LRRC37A2: variants seen among roughly 807,000 people sequenced by gnomAD.
LRRC37A2 encodes the protein leucine rich repeat containing 37 member A2.
In LRRC37A2, 9 loss-of-function variants were observed where a neutral mutation model predicts 68.8. The observed-to-expected ratio is 0.13, with a 90% CI of 0.08 to 0.23. The LOEUF is 0.23. LRRC37A2 is among the 10% of genes least tolerant of loss of function. The probability of loss-of-function intolerance (pLI) is 1.00; values close to 1 mark genes in which losing one functional copy is unlikely to be tolerated. For missense variants in LRRC37A2, 168 were observed against 950.4 expected (o/e 0.18, Z 10.82); for synonymous variants, 63 against 367.6 (o/e 0.17, Z 9.48).
At chr17:46,945,211 C>CT in the LRRC37A2 span, among the ~76,000 whole-genome samples, 1 of 152,170 alleles carries the variant, frequency 6.6e-6, no homozygotes, top group East Asian at 1.9e-4. Flanking sequence ...GCTGTGGGCT[C>CT]TGAGGCCTGA....
the LRRC37A2 span, among the ~76,000 whole-genome samples, chr17:46,957,950 A>T: frequency 1.3e-5 from 2 of 152,198 alleles, no homozygotes; most frequent in African/African-American, 4.8e-5. Context: ...AGTGAGAGGG[A>T]GTCGGAGATC....
chr17:47,000,086 TAA>T, the LRRC37A2 span, among the ~76,000 whole-genome samples: 1 of 11,546 alleles, frequency 8.7e-5, no homozygotes, highest in East Asian at 3.1e-3. Flanking sequence ...AAAAATAAAA[TAA>T]AATAAAATAA....
chr17:46,913,417 G>A, the LRRC37A2 span, among the ~76,000 whole-genome samples: 1 of 152,212 alleles, frequency 6.6e-6, no homozygotes, highest in African/African-American at 2.4e-5. Flanking sequence ...CAGTGCTAAG[G>A]AAGCATGGGG....
At chr17:46,769,315 C>CAA in the LRRC37A2 span, among the ~76,000 whole-genome samples, 4,113 of 102,756 alleles carry the variant, frequency 0.04, 240 homozygotes, top group African/African-American at 0.14. Context: ...GACTCCGTCT[C>CAA]AAAAAAAAAA....
At chr17:46,876,609 C>A in the LRRC37A2 span, 6 of 1,612,144 alleles carry the variant, frequency 3.7e-6, no homozygotes, top group Non-Finnish European at 5.1e-6. Context: ...GGCTATGACA[C>A]CCAGAGCCGC....
the LRRC37A2 span, among the ~76,000 whole-genome samples, chr17:46,742,038 G>A: frequency 6.6e-6 from 1 of 152,198 alleles, no homozygotes; most frequent in African/African-American, 2.4e-5. Context: ...ATAGGTGTGA[G>A]CCACTGCACT....
chr17:46,498,139 G>C, the LRRC37A2 span, among the ~76,000 whole-genome samples: 1 of 141,644 alleles, frequency 7.1e-6, no homozygotes, highest in African/African-American at 2.9e-5. Context: ...ATGTTGGCCA[G>C]GATGGTTTCA....
At chr17:46,676,084 A>G in the LRRC37A2 span, among the ~76,000 whole-genome samples, 1 of 132,738 alleles carries the variant, frequency 7.5e-6, no homozygotes, top group Non-Finnish European at 1.5e-5. Flanking sequence ...TACAGTGTGG[A>G]CTAGGAACTG....
chr17:46,947,942 G>T, the LRRC37A2 span, among the ~76,000 whole-genome samples: 1 of 152,058 alleles, frequency 6.6e-6, no homozygotes, highest in Admixed American at 6.6e-5. Flanking sequence ...CTAATTTTTC[G>T]TGTTTTTACT....
At chr17:46,749,749 A>C in the LRRC37A2 span, 4 of 1,602,504 alleles carry the variant, frequency 2.5e-6, no homozygotes, top group South Asian at 4.5e-5. Context: ...TGTACATTTT[A>C]ACACATTTTC....
chr17:46,831,795 C>A, the LRRC37A2 span, among the ~76,000 whole-genome samples: 531 of 152,360 alleles, frequency 3.5e-3, 4 homozygotes, highest in African/African-American at 0.012. Context: ...GCACTCACCC[C>A]CTCTGGGTCT....
At chr17:46,866,023 A>G in the LRRC37A2 span, among the ~76,000 whole-genome samples, 1 of 152,222 alleles carries the variant, frequency 6.6e-6, no homozygotes, top group Admixed American at 6.5e-5. Flanking sequence ...GCATAAAGGT[A>G]GGAAGGTTGG....
the LRRC37A2 span, among the ~76,000 whole-genome samples, chr17:46,900,194 TATATATATACACAC>T: frequency 3.9e-5 from 4 of 101,784 alleles, no homozygotes; most frequent in Non-Finnish European, 3.7e-5. Flanking sequence ...TATATATATA[TATATATATACACAC>T]ACACACACAC....
the LRRC37A2 span, chr17:46,931,496 A>G: frequency 1.1e-5 from 5 of 472,614 alleles, no homozygotes; most frequent in Admixed American, 1.9e-4. Context: ...TAGCCACCTG[A>G]AGCCTAATGT....
At chr17:46,746,938 C>T in the LRRC37A2 span, among the ~76,000 whole-genome samples, 5 of 152,164 alleles carry the variant, frequency 3.3e-5, no homozygotes, top group South Asian at 4.2e-4. Flanking sequence ...TATTAAATGG[C>T]GAGATACCCA....
the LRRC37A2 span, chr17:46,936,133 G>C: frequency 1.0e-6 from 1 of 985,746 alleles, no homozygotes; most frequent in African/African-American, 1.7e-5. Context: ...TGGCCTGGAA[G>C]GGTGGTCTCC....
At chr17:46,814,116 C>T in the LRRC37A2 span, among the ~76,000 whole-genome samples, 96 of 152,320 alleles carry the variant, frequency 6.3e-4, no homozygotes, top group Non-Finnish European at 1.1e-3. Flanking sequence ...GCAGACATCA[C>T]AGACCCAAGC....
At chr17:46,743,363 T>C in the LRRC37A2 span, among the ~76,000 whole-genome samples, 1 of 152,180 alleles carries the variant, frequency 6.6e-6, no homozygotes, top group Non-Finnish European at 1.5e-5. Context: ...TTCAGATGCT[T>C]GCTTCTTTTC....
chr17:46,773,483 A>T, the LRRC37A2 span, among the ~76,000 whole-genome samples: 11 of 152,156 alleles, frequency 7.2e-5, no homozygotes, highest in African/African-American at 2.4e-4. Context: ...ATCCTGGAGC[A>T]TCTCAAGGCG....
Sources: allele counts gnomAD v4.1 joint callset (sites outside exome capture counted in the v4.1 genomes callset), GRCh38; gene constraint gnomAD v4.1.1; transcripts MANE v1.5; gene names NCBI Gene and HGNC (gene_info 2026-07-23, HGNC 2026-07-21).